Variants in FBN1 observed in about 807,000 individuals in gnomAD.
FBN1 encodes the protein fibrillin 1.
Under a neutral mutation model 365.1 loss-of-function variants are expected in FBN1, and 29 were observed. That is an observed-to-expected ratio of 0.08 (90% CI 0.06 to 0.11). The LOEUF is 0.11. Ranked by LOEUF, FBN1 falls within the 10% of genes least tolerant of loss-of-function variation. The pLI, the probability that FBN1 is intolerant of heterozygous loss-of-function variation, is 1.00. For synonymous variants in FBN1, 1,210 were observed against 1,270.5 expected, an observed-to-expected ratio of 0.95 and a Z score of 1.01; for missense variants, 2,476 against 3,703.2, an observed-to-expected ratio of 0.67 and a Z score of 8.60.
chr15:48,463,293 A>T (rs1268831455), intron 41 of FBN1, 53 bp from the exon 42 acceptor site: 1 of 1,543,296 alleles, frequency 6.5e-7, no homozygotes, highest in East Asian at 2.2e-5. Context: ...CATGTGGGAA[A>T]TCACAACAAA....
rs78786817 is a variant in FBN1 at position 48,465,272 on chromosome 15, T to C, written c.4942+296A>G. Among the ~76,000 whole-genome samples the C allele has an allele frequency of 2.4e-4, 37 of 152,294 alleles. No individual in the cohort carries two copies. The East Asian group carries it at 6.4e-3, about 26-fold the overall frequency. On this transcript the variant is annotated intron_variant, in intron 40 of 65. Coordinates refer to ENST00000316623, the MANE Select transcript of FBN1 (RefSeq NM_000138.5). Reference sequence around the variant, plus strand: ...GGACCTGTGCCATTCATGTAAAAAATGGCTTTTCTGAAGAGCATGGAAAAA... The same window carrying C: ...GGACCTGTGCCATTCATGTAAAAAACGGCTTTTCTGAAGAGCATGGAAAAA...
At chr15:48,606,369 G>C (rs2044609673) in intron 4 of FBN1, among the ~76,000 whole-genome samples, 1 of 152,116 alleles carries the variant, frequency 6.6e-6, no homozygotes, top group Admixed American at 6.5e-5. Context: ...AAACAAACTT[G>C]TGGTACATCC....
intron 17 of FBN1, among the ~76,000 whole-genome samples, chr15:48,499,789 C>T (rs1445823293): frequency 6.6e-6 from 1 of 152,134 alleles, no homozygotes; most frequent in East Asian, 1.9e-4. Flanking sequence ...ACTGGAATCA[C>T]ACTATCCAAG....
chr15:48,644,765 C>A lies in FBN1; in HGVS notation c.5G>T (p.Arg2Leu). The change falls in exon 2 of 66, where the codon CGT becomes CTT. Residue 2 changes from arginine to leucine, a missense_variant. Coordinates refer to ENST00000316623, the MANE Select transcript of FBN1 (RefSeq NM_000138.5). Reference protein sequence around the residue: MRRGRLLEIALG... With the variant: MLRGRLLEIALG... Reference sequence around the variant, plus strand: ...GGCGATCTCCAGCAGACGCCCTCGACGCATGATGCCGAGCCGCCACCGGCT... The same window carrying A: ...GGCGATCTCCAGCAGACGCCCTCGAAGCATGATGCCGAGCCGCCACCGGCT... The A allele has an allele frequency of 6.2e-7, 1 of 1,608,982 alleles. No individual in the cohort carries two copies. The highest frequency in any genetic ancestry group is 2.2e-5 in the East Asian group (1 of 44,822).
intron 9 of FBN1, among the ~76,000 whole-genome samples, chr15:48,523,256 G>A (rs538943708): frequency 1.9e-3 from 287 of 152,332 alleles, no homozygotes; most frequent in Non-Finnish European, 2.8e-3. Flanking sequence ...TTCAGCATGG[G>A]CTATCTTTCA....
At chr15:48,531,099 T>C (rs897959191) in intron 8 of FBN1, among the ~76,000 whole-genome samples, 6 of 128,896 alleles carry the variant, frequency 4.7e-5, no homozygotes, top group Non-Finnish European at 9.4e-5. Context: ...AAGGTGGGCA[T>C]GAACTCTTTC....
intron 56 of FBN1, among the ~76,000 whole-genome samples, chr15:48,428,840 C>T (rs2043003266): frequency 6.6e-6 from 1 of 152,192 alleles, no homozygotes; most frequent in African/African-American, 2.4e-5. Context: ...CTTATCTCTT[C>T]ACATGGTTCA....
chr15:48,560,449 C>G (rs1421898682), intron 6 of FBN1, among the ~76,000 whole-genome samples: 2 of 152,072 alleles, frequency 1.3e-5, no homozygotes, highest in Non-Finnish European at 2.9e-5. Context: ...ACTGGGTGCT[C>G]AAAGAGCAGT....
In FBN1 at chr15:48,603,614, G is replaced by C. The variant is rs542824134; in HGVS notation, c.347-3380C>G. Among the ~76,000 whole-genome samples the C allele has an allele frequency of 2.0e-4, 30 of 152,230 alleles. No individual in the cohort carries two copies. The South Asian group carries it at 6.2e-3, about 32-fold the overall frequency. On this transcript the variant is annotated intron_variant, in intron 4 of 65. Transcript: ENST00000316623. Reference sequence around the variant, plus strand: ...AAGAATTCTAGATGTATCATAATTAGGAGACCAAGTTCTACGTCTCTTAAA... The same window carrying C: ...AAGAATTCTAGATGTATCATAATTACGAGACCAAGTTCTACGTCTCTTAAA...
intron 2 of FBN1, among the ~76,000 whole-genome samples, chr15:48,620,426 C>A: frequency 6.6e-6 from 1 of 152,172 alleles, no homozygotes; most frequent in South Asian, 2.1e-4. Context: ...TAAGTTATTA[C>A]TTTTATCATT....
At chr15:48,461,925 G>C (rs2620361) in intron 42 of FBN1, among the ~76,000 whole-genome samples, 1 of 151,914 alleles carries the variant, frequency 6.6e-6, no homozygotes, top group Non-Finnish European at 1.5e-5. Context: ...ATCCTTCTTA[G>C]CTTGCAGGCC....
At chr15:48,537,571 T>C (rs2044023445) in intron 7 of FBN1, 40 bp downstream of exon 7, 2 of 1,610,648 alleles carry the variant, frequency 1.2e-6, no homozygotes, top group Non-Finnish European at 1.7e-6. Context: ...CCAGAGCAAA[T>C]AAGATTAATC....
In FBN1 at chr15:48,444,530, A is replaced by G. The variant is rs363801; in HGVS notation, c.6037+11T>C. On this transcript the variant is annotated intron_variant, in intron 49 of 65. Coordinates refer to ENST00000316623, the MANE Select transcript of FBN1 (RefSeq NM_000138.5). ...ACACTCCTCATTTGCTACAACTGAT[A>G]GCTTTCCTACCTTCACACTTCTCAT... The G allele has an allele frequency of 1.9e-6, 3 of 1,613,164 alleles. No individual in the cohort carries two copies. The African/African-American group carries it at 4.0e-5, about 22-fold the overall frequency.
chr15:48,556,926 G>A (rs1175370494), intron 6 of FBN1, among the ~76,000 whole-genome samples: 1 of 152,154 alleles, frequency 6.6e-6, no homozygotes, highest in South Asian at 2.1e-4. Context: ...TTTAATTCAA[G>A]AAAAAGCTTC....
chr15:48,606,889 A>T (rs1052389914), intron 4 of FBN1, among the ~76,000 whole-genome samples: 43 of 152,236 alleles, frequency 2.8e-4, no homozygotes, highest in African/African-American at 1.0e-3. Context: ...TTGCCCTCAT[A>T]AATGGATTTA....
intron 2 of FBN1, among the ~76,000 whole-genome samples, chr15:48,630,089 C>A (rs970996117): frequency 6.6e-6 from 1 of 152,244 alleles, no homozygotes; most frequent in African/African-American, 2.4e-5. Context: ...CTTCACTACA[C>A]CTGTGCAAAC....
At chr15:48,642,091 A>G (rs1890207471) in intron 2 of FBN1, 1 of 152,256 alleles carries the variant, frequency 6.6e-6, no homozygotes, top group Non-Finnish European at 1.5e-5. Context: ...GGTTCTATAC[A>G]ACAAGAAAAT....
chr15:48,600,516 CA>C (rs1414690597), intron 4 of FBN1, among the ~76,000 whole-genome samples: 1 of 152,108 alleles, frequency 6.6e-6, no homozygotes, highest in Admixed American at 6.5e-5. Context: ...CCAGCCTGGC[CA>C]ACATGGTGGA....
At chr15:48,532,409 G>A (rs896663721) in intron 8 of FBN1, among the ~76,000 whole-genome samples, 1 of 151,598 alleles carries the variant, frequency 6.6e-6, no homozygotes. Context: ...TTAAGTTAAT[G>A]TCATATATAT....
Sources: gnomAD v4.1 joint callset for allele counts (sites outside exome capture counted in the v4.1 genomes callset) on GRCh38, gnomAD v4.1.1 for gene constraint, MANE v1.5 for transcripts, NCBI Gene and HGNC (gene_info 2026-07-23, HGNC 2026-07-21) for gene names.